The following NOL10 variants were observed in gnomAD, a reference collection of about 807,000 sequenced individuals.
NOL10 encodes the protein nucleolar protein 10.
In NOL10, 58 loss-of-function variants were observed where a neutral mutation model predicts 103.5. The observed-to-expected ratio is 0.56, with a 90% CI of 0.45 to 0.70. NOL10 has a LOEUF of 0.70. Among genes scored for constraint, NOL10 ranks in the 30% least tolerant of loss-of-function variants. The probability of loss-of-function intolerance (pLI) is 0.00; values close to 1 mark genes in which losing one functional copy is unlikely to be tolerated. For missense variants in NOL10, 763 were observed against 807.3 expected (o/e 0.95, Z 0.67); for synonymous variants, 287 against 282.5 (o/e 1.02, Z -0.16).
intron 12 of NOL10, among the ~76,000 whole-genome samples, chr2:10,652,830 G>GC (rs151278029): frequency 0.033 from 5,057 of 152,134 alleles, 291 homozygotes; most frequent in African/African-American, 0.12. Context: ...CGCCAGACAC[G>GC]CCCCCCAAGC....
intron 13 of NOL10, among the ~76,000 whole-genome samples, chr2:10,618,028 CTTCATGTTT>C (rs760101731): frequency 2.8e-5 from 3 of 106,550 alleles, no homozygotes; most frequent in Non-Finnish European, 5.6e-5. Context: ...GGACTGTACA[CTTCATGTTT>C]TTTTTTTTTT....
chr2:10,676,760 CCT>C (rs763646732), intron 3 of NOL10, among the ~76,000 whole-genome samples: 13 of 151,922 alleles, frequency 8.6e-5, no homozygotes, highest in Non-Finnish European at 1.5e-4. Flanking sequence ...GCCTCAGCCC[CCT>C]GAGTAGCTGG....
chr2:10,660,116 C>T (rs1264696068), intron 9 of NOL10, among the ~76,000 whole-genome samples: 1 of 152,130 alleles, frequency 6.6e-6, no homozygotes, highest in Admixed American at 6.5e-5. Context: ...TGGCCCAGGA[C>T]CTAGAGTCCT....
chr2:10,590,332 C>T (rs1038019404), intron 17 of NOL10, among the ~76,000 whole-genome samples: 1 of 152,146 alleles, frequency 6.6e-6, no homozygotes, highest in Non-Finnish European at 1.5e-5. Context: ...GTCTTGAATT[C>T]TTGGGCTCAA....
intron 13 of NOL10, among the ~76,000 whole-genome samples, chr2:10,620,210 G>C (rs961578946): frequency 2.0e-5 from 3 of 152,170 alleles, no homozygotes; most frequent in African/African-American, 7.2e-5. Context: ...GCAGGCAAAA[G>C]TGTTTATTAA....
chr2:10,650,875 G>C (rs1250633529), intron 12 of NOL10, among the ~76,000 whole-genome samples: 1 of 152,144 alleles, frequency 6.6e-6, no homozygotes, highest in Non-Finnish European at 1.5e-5. Flanking sequence ...AGTCACCTGG[G>C]TAACAACATG....
intron 17 of NOL10, among the ~76,000 whole-genome samples, chr2:10,593,520 C>A (rs1054188192): frequency 6.6e-6 from 1 of 152,080 alleles, no homozygotes; most frequent in African/African-American, 2.4e-5. Context: ...GGCTTGAACA[C>A]TAGTATCTTC....
At chr2:10,603,007 G>A (rs995422082) in intron 15 of NOL10, 71 bp downstream of exon 15, 12 of 1,301,152 alleles carry the variant, frequency 9.2e-6, no homozygotes, top group South Asian at 2.5e-5. Context: ...ATGAAAGTGC[G>A]AGTAGTGAGG....
Position 10,600,762 on chromosome 2 carries a change from T to G in NOL10, c.1422+91A>C, listed in dbSNP as rs1047280864. 5.9e-6 allele frequency: 5 copies of G among 841,332 alleles called. No homozygotes were observed. In the South Asian group the frequency reaches 6.3e-5, roughly 11 times the overall value. 52.1% of individuals were successfully genotyped at this position (841,332 alleles called of 1,614,324 possible). A position where few individuals can be genotyped will look rare whatever the true frequency, so the allele number is the denominator to read the frequency against. ...TACGCAGGAAAGAAAAAGTCCTACA[T>G]GTATTTTTAAAGTAAAAAGAAACAA... is the stretch of plus-strand genomic sequence containing the variant. On this transcript the variant is annotated intron_variant, in intron 17 of 20. Transcript: ENST00000381685.
chr2:10,658,521 G>C (rs187489930), intron 10 of NOL10, among the ~76,000 whole-genome samples: 36 of 152,108 alleles, frequency 2.4e-4, no homozygotes, highest in Admixed American at 8.5e-4. Flanking sequence ...CACTGCTAAT[G>C]CATGTTCTGC....
At chr2:10,661,906 C>T (rs1356678987) in intron 9 of NOL10, among the ~76,000 whole-genome samples, 2 of 150,300 alleles carry the variant, frequency 1.3e-5, no homozygotes, top group African/African-American at 2.5e-5. Flanking sequence ...AAAAGCAAAT[C>T]GGAAAAAAAA....
chr2:10,616,566 TGA>T (rs1676847819), intron 13 of NOL10, among the ~76,000 whole-genome samples: 1 of 149,882 alleles, frequency 6.7e-6, no homozygotes, highest in South Asian at 2.1e-4. Flanking sequence ...TTTGTTTTTT[TGA>T]AACAGGGTCT....
chr2:10,633,353 G>C (rs1476324749), intron 13 of NOL10, among the ~76,000 whole-genome samples: 2 of 151,722 alleles, frequency 1.3e-5, no homozygotes, highest in African/African-American at 2.4e-5. Flanking sequence ...ACCGCAAAAG[G>C]CTCTAATTTT....
intron 19 of NOL10, among the ~76,000 whole-genome samples, chr2:10,587,476 G>C: frequency 6.8e-6 from 1 of 147,448 alleles, no homozygotes. Flanking sequence ...TCACCATGTT[G>C]GCCAGGATGG....
chr2:10,599,688 G>A (rs193011118), intron 17 of NOL10, among the ~76,000 whole-genome samples: 25 of 152,298 alleles, frequency 1.6e-4, no homozygotes, highest in African/African-American at 5.8e-4. Context: ...TGTAATAAAC[G>A]AGGATGAGGG....
intron 13 of NOL10, among the ~76,000 whole-genome samples, chr2:10,631,284 C>G (rs551481610): frequency 6.6e-6 from 1 of 152,236 alleles, no homozygotes; most frequent in East Asian, 1.9e-4. Flanking sequence ...TGATTCAAAC[C>G]CAAATCTTAG....
intron 18 of NOL10, 51 bp downstream of exon 18, chr2:10,589,527 C>T: frequency 7.2e-7 from 1 of 1,386,922 alleles, no homozygotes; most frequent in Non-Finnish European, 9.7e-7. Flanking sequence ...ACAAAGAAAA[C>T]ATTACATTAA....
At chr2:10,673,689 C>G (rs1681100880) in intron 4 of NOL10, 132 bp from the exon 5 acceptor site, 2 of 546,132 alleles carry the variant, frequency 3.7e-6, no homozygotes, top group South Asian at 3.4e-5. Flanking sequence ...CTACGTGAAA[C>G]AAGAAGAAAA....
chr2:10,679,110 A>C (rs895353688), intron 3 of NOL10, among the ~76,000 whole-genome samples: 2 of 152,208 alleles, frequency 1.3e-5, no homozygotes, highest in African/African-American at 4.8e-5. Flanking sequence ...CTGTAATCCC[A>C]GCACTTTGGG....
Sources: gnomAD v4.1 joint callset for allele counts (sites outside exome capture counted in the v4.1 genomes callset) on GRCh38, gnomAD v4.1.1 for gene constraint, MANE v1.5 for transcripts, NCBI Gene and HGNC (gene_info 2026-07-23, HGNC 2026-07-21) for gene names.